The following PRKN variants were observed in gnomAD, a reference collection of about 807,000 sequenced individuals.
PRKN encodes the protein E3 ubiquitin-protein ligase parkin.
Under a neutral mutation model 59.5 loss-of-function variants are expected in PRKN, and 56 were observed. The ratio of observed to expected loss-of-function variants is 0.94; its 90% confidence interval spans 0.76 to 1.18. PRKN has a LOEUF of 1.18. PRKN is among the 50% of genes most tolerant of loss of function. PRKN has a pLI of 0.00. For synonymous variants in PRKN, 250 were observed against 222.1 expected, an observed-to-expected ratio of 1.13 and a Z score of -1.12; for missense variants, 657 against 596.4, an observed-to-expected ratio of 1.10 and a Z score of -1.06.
chr6:161,572,944 A>T (rs542328960), intron 7 of PRKN, among the ~76,000 whole-genome samples: 18 of 152,320 alleles, frequency 1.2e-4, no homozygotes, highest in African/African-American at 4.3e-4. Flanking sequence ...TTCAGTTCAA[A>T]CAAAAACTGC....
At position 161,575,122 on chromosome 6, in the gene PRKN, A is replaced by G. The variant is rs537838270; in HGVS notation, c.872-5706T>C. Among the ~76,000 whole-genome samples, 7 of 152,204 alleles carry G rather than the reference A, an allele frequency of 4.6e-5. No individual in the cohort carries two copies. The highest frequency in any genetic ancestry group is 1.0e-4 in the Non-Finnish European group (7 of 68,046). ...CTGTGTTTTCTAAAAATCTGAGCTC[A>G]TTGGTGTTCAATGAATACCAGCTTT... On this transcript the variant is annotated intron_variant, in intron 7 of 11. Transcript: ENST00000366898. The surrounding 1 kb of genome is among the most constrained non-coding windows in gnomAD (Gnocchi z 4.6).
At chr6:162,442,967 C>T (rs1179215396) in intron 2 of PRKN, among the ~76,000 whole-genome samples, 2 of 152,092 alleles carry the variant, frequency 1.3e-5, no homozygotes, top group South Asian at 4.1e-4. Flanking sequence ...AATCCTTCTT[C>T]GTTAAGATTC....
intron 7 of PRKN, among the ~76,000 whole-genome samples, chr6:161,677,142 T>C (rs1304499700): frequency 1.3e-5 from 2 of 152,198 alleles, no homozygotes; most frequent in African/African-American, 4.8e-5. Context: ...TAAAAAGATG[T>C]AAACAGATTA....
chr6:161,979,585 T>C (rs1562435091), intron 5 of PRKN, among the ~76,000 whole-genome samples: 1 of 152,184 alleles, frequency 6.6e-6, no homozygotes. Flanking sequence ...GTTTTCCACT[T>C]CATTAGTATT....
At chr6:162,020,213 C>T (rs1239914627) in intron 5 of PRKN, among the ~76,000 whole-genome samples, 2 of 151,350 alleles carry the variant, frequency 1.3e-5, no homozygotes, top group Admixed American at 6.6e-5. Flanking sequence ...GGCTCCAGCC[C>T]TGCAAATCTG....
At chr6:162,198,900 T>C (rs1360966585) in intron 4 of PRKN, among the ~76,000 whole-genome samples, 1 of 152,196 alleles carries the variant, frequency 6.6e-6, no homozygotes, top group African/African-American at 2.4e-5. Context: ...TTTAGGCCAA[T>C]GCTACAGGTT....
chr6:161,720,035 T>C (rs1173169890), intron 7 of PRKN, among the ~76,000 whole-genome samples: 2 of 152,210 alleles, frequency 1.3e-5, no homozygotes, highest in Non-Finnish European at 2.9e-5. Context: ...TCCGTGGTTC[T>C]GCTTCCTGGT....
At chr6:161,807,921 G>A (rs1464525685) in intron 6 of PRKN, among the ~76,000 whole-genome samples, 1 of 152,078 alleles carries the variant, frequency 6.6e-6, no homozygotes, top group Admixed American at 6.6e-5. Flanking sequence ...TCAACCCACA[G>A]GTACACACAC....
At chr6:161,612,141 C>T (rs977308251) in intron 7 of PRKN, among the ~76,000 whole-genome samples, 6 of 152,182 alleles carry the variant, frequency 3.9e-5, no homozygotes, top group African/African-American at 1.2e-4. Flanking sequence ...AAGCCACCTC[C>T]ATCACATAAA....
chr6:161,387,532 G>A (rs1786313816), intron 9 of PRKN, among the ~76,000 whole-genome samples: 1 of 152,194 alleles, frequency 6.6e-6, no homozygotes, highest in South Asian at 2.1e-4. Context: ...AATACACACA[G>A]TAATGCAAAT....
intron 2 of PRKN, among the ~76,000 whole-genome samples, chr6:162,302,736 A>G (rs1197929137): frequency 6.6e-6 from 1 of 152,068 alleles, no homozygotes; most frequent in Non-Finnish European, 1.5e-5. Flanking sequence ...TGAGCTACAG[A>G]AATGGTGAGA....
At chr6:161,358,428 C>T (rs1784847054) in intron 11 of PRKN, among the ~76,000 whole-genome samples, 1 of 152,130 alleles carries the variant, frequency 6.6e-6, no homozygotes, top group Admixed American at 6.5e-5. Context: ...GCCTGGCCGA[C>T]ATATAGTGAA....
chr6:162,152,337 C>T lies in PRKN; in HGVS notation c.534+48794G>A, dbSNP rs142927046. 5.0e-3 allele frequency among the ~76,000 whole-genome samples: 762 copies of T among 152,270 alleles called. 6 individuals carry two copies. The highest frequency in any genetic ancestry group is 8.7e-3 in the Non-Finnish European group (593 of 68,024). On this transcript the variant is annotated intron_variant, in intron 4 of 11. Transcript: ENST00000366898. ...CCAAAGTCACCTCAAGCTTCTAGAA[C>T]CAGTGGAACTACTGTTCTCCATGAC...
chr6:162,352,542 A>G (rs1784666659), intron 2 of PRKN, among the ~76,000 whole-genome samples: 1 of 152,160 alleles, frequency 6.6e-6, no homozygotes, highest in Non-Finnish European at 1.5e-5. Context: ...CTTGATTATG[A>G]AAAACTCTAA....
chr6:162,077,367 G>C (rs143026070), intron 4 of PRKN, among the ~76,000 whole-genome samples: 1 of 152,106 alleles, frequency 6.6e-6, no homozygotes, highest in Non-Finnish European at 1.5e-5. Flanking sequence ...TATGATGTTC[G>C]CACAATGACA....
rs1450232512 is a variant in PRKN, at chr6:162,515,459, T to C, written c.8-71986A>G. Among the ~76,000 whole-genome samples the C allele has an allele frequency of 2.6e-5, 4 of 152,172 alleles. No homozygotes were observed. In the East Asian group the frequency reaches 7.7e-4, roughly 29 times the overall value. The stretch of plus-strand genomic sequence containing the variant: ...AGTATTTTAGAAATAAAAAGCCATA[T>C]AGTCATGTTAATATGCTCATAAAAT... On this transcript the variant is annotated intron_variant, in intron 1 of 11. Transcript: ENST00000366898.
intron 4 of PRKN, among the ~76,000 whole-genome samples, chr6:162,152,205 G>A (rs575698440): frequency 6.6e-6 from 1 of 152,260 alleles, no homozygotes; most frequent in East Asian, 1.9e-4. Context: ...AACCCTGGGG[G>A]AGCTTTTCAT....
chr6:162,297,620 T>C (rs573011019), intron 2 of PRKN, among the ~76,000 whole-genome samples: 2 of 152,260 alleles, frequency 1.3e-5, no homozygotes, highest in Non-Finnish European at 2.9e-5. Context: ...TTCTGTAACA[T>C]GAACACATTT....
chr6:161,511,069 A>C (rs1778370703), intron 9 of PRKN, among the ~76,000 whole-genome samples: 1 of 152,244 alleles, frequency 6.6e-6, no homozygotes, highest in South Asian at 2.1e-4. Context: ...CTCAAACTAT[A>C]ACAAAGGACA....
Sources: allele counts gnomAD v4.1 joint callset (sites outside exome capture counted in the v4.1 genomes callset), GRCh38; gene constraint gnomAD v4.1.1; non-coding constraint Gnocchi (gnomAD v3.1); transcripts MANE v1.5; gene names NCBI Gene and HGNC (gene_info 2026-07-23, HGNC 2026-07-21).